LMF1: variants seen among roughly 807,000 people sequenced by gnomAD.
LMF1 encodes the protein lipase maturation factor 1.
In LMF1, 68 loss-of-function variants were observed where a neutral mutation model predicts 60.6. The observed-to-expected ratio is 1.12, with a 90% CI of 0.92 to 1.37. LMF1 has a LOEUF of 1.37. Ranked by LOEUF, LMF1 falls within the 40% of genes most tolerant of loss-of-function variation. LMF1 has a pLI of 0.00. For missense variants in LMF1, 948 were observed against 767.2 expected, an observed-to-expected ratio of 1.24 and a Z score of -2.78; for synonymous variants, 418 against 324.7, an observed-to-expected ratio of 1.29 and a Z score of -3.09.
At chr16:887,884 T>A (rs1456555763) in intron 5 of LMF1, among the ~76,000 whole-genome samples, 1 of 152,128 alleles carries the variant, frequency 6.6e-6, no homozygotes, top group Non-Finnish European at 1.5e-5. Context: ...CACCCCCAAG[T>A]TGCAGGCTGC....
Position 854,067 on chromosome 16 carries a change from C to T in LMF1, c.*465G>A. On this transcript the variant is annotated 3_prime_UTR_variant, in exon 11 of 11. Transcript: ENST00000262301. ...GAGGGTTTGGCTGCCCCAGACGTGA[C>T]AGGGACTTGGCTCTGAGGGTCAGGA... is the stretch of plus-strand genomic sequence containing the variant. The T allele has an allele frequency of 2.2e-6, 1 of 455,842 alleles. No homozygotes were observed. Among genetic ancestry groups the T allele is most frequent in the South Asian group, 1.6e-5 (1 of 64,488 alleles). The allele number at this position is 455,842 out of a possible 1,614,324, so 28.2% of individuals were successfully genotyped here.
Position 874,787 on chromosome 16 carries a change from C to T in LMF1, c.898-3446G>A, listed in dbSNP as rs576897287. Among the ~76,000 whole-genome samples the T allele has an allele frequency of 6.6e-6, 1 of 152,130 alleles. No individual in the cohort carries two copies. Among genetic ancestry groups the T allele is most frequent in the East Asian group, 1.9e-4 (1 of 5,180 alleles). ...GGACAGGCTCCAGGCAGGCGGCGCT[C>T]AGAAGTCTCAGGGCACTCGGCTGTC... is the stretch of plus-strand genomic sequence containing the variant. On this transcript the variant is annotated intron_variant, in intron 6 of 10. Coordinates refer to ENST00000262301, the MANE Select transcript of LMF1 (RefSeq NM_022773.4). The surrounding 1 kb of genome is among the most constrained non-coding windows in gnomAD (Gnocchi z 4.1).
rs754772870 is a variant in LMF1 at position 893,053 on chromosome 16, C to T, written c.683G>A (p.Gly228Glu). 6.0e-4 allele frequency: 934 copies of T among 1,553,816 alleles called. 2 individuals are homozygous for T. Among genetic ancestry groups the T allele is most frequent in the Non-Finnish European group, 7.8e-4 (893 of 1,149,030 alleles). The change falls in exon 5 of 11, where the codon GGG becomes GAG. Residue 228 changes from glycine (G) to glutamate (E), a missense_variant. Transcript: ENST00000262301. Reference sequence around the variant, plus strand: ...GGTGAGGTCTCGCCAGCACCGGTCCCCCCGGATCTTGATCAGGCCCTGCAA... The same window carrying T: ...GGTGAGGTCTCGCCAGCACCGGTCCTCCCGGATCTTGATCAGGCCCTGCAA... The part of the protein sequence containing the change: ...MLGAGLIKIR[G>E]DRCWRDLTCM...
At chr16:950,027 A>T (rs1412144347) in intron 2 of LMF1, among the ~76,000 whole-genome samples, 34 of 86,740 alleles carry the variant, frequency 3.9e-4, no homozygotes, top group African/African-American at 2.1e-3. Context: ...CGACAGAGTC[A>T]GCCAACGACA....
intron 2 of LMF1, chr16:947,496 C>A (rs12445470): frequency 0.45 from 203,502 of 455,374 alleles, 48,938 homozygotes; most frequent in African/African-American, 0.7. Flanking sequence ...CCAGCGTCCC[C>A]TCCAGCCCTG....
At chr16:960,068 C>A (rs558358093) in intron 1 of LMF1, among the ~76,000 whole-genome samples, 1 of 152,312 alleles carries the variant, frequency 6.6e-6, no homozygotes, top group African/African-American at 2.4e-5. Context: ...AGCTGTGACA[C>A]CCCGGGAGCA....
chr16:975,775 G>T (rs1337155992), upstream of LMF1: 2 of 452,744 alleles, frequency 4.4e-6, no homozygotes, highest in Admixed American at 4.7e-5. Context: ...TTTTCACAGG[G>T]TGTGTTTTCA....
chr16:899,055 C>T (rs576712632), intron 4 of LMF1: 5 of 152,352 alleles, frequency 3.3e-5, no homozygotes, highest in African/African-American at 4.8e-5. Context: ...CCCAGGAGAT[C>T]CTTTGAAGAT....
At chr16:871,103 C>T in intron 7 of LMF1, 58 bp downstream of exon 7, 1 of 1,484,740 alleles carries the variant, frequency 6.7e-7, no homozygotes, top group Non-Finnish European at 9.0e-7. Context: ...GGCTGTGGGG[C>T]TGGCACCACC....
chr16:908,439 G>A (rs1267365408), intron 4 of LMF1, among the ~76,000 whole-genome samples: 2 of 152,156 alleles, frequency 1.3e-5, no homozygotes, highest in Admixed American at 1.3e-4. Flanking sequence ...CGTCCAGAAA[G>A]CTCTCCAAAG....
At chr16:964,467 T>G (rs1169019662) in intron 1 of LMF1, among the ~76,000 whole-genome samples, 1 of 152,228 alleles carries the variant, frequency 6.6e-6, no homozygotes, top group African/African-American at 2.4e-5. Context: ...TCAAGTATTT[T>G]TTCTTTAAGG....
rs569427527 is a variant in LMF1 at position 870,959 on chromosome 16, G to C, written c.1079-77C>G. The C allele has an allele frequency of 3.3e-6, 5 of 1,503,518 alleles. No homozygotes were observed. The Admixed American group carries it at 8.1e-5, about 24-fold the overall frequency. 93.1% of individuals were successfully genotyped at this position (1,503,518 alleles called of 1,614,324 possible). A position where few individuals can be genotyped will look rare whatever the true frequency, so the allele number is the denominator to read the frequency against. ...TGTCCCTGGGGAGACCCCAGCTGCT[G>C]CTCCCTAAGGGTCAGCTGTCCTGGG... is the stretch of plus-strand genomic sequence containing the variant. On this transcript the variant is annotated intron_variant, in intron 7 of 10. Coordinates refer to ENST00000262301, the MANE Select transcript of LMF1 (RefSeq NM_022773.4).
intron 1 of LMF1, among the ~76,000 whole-genome samples, chr16:963,838 G>C (rs1293981099): frequency 7.4e-6 from 1 of 135,584 alleles, no homozygotes; most frequent in Non-Finnish European, 1.7e-5. Context: ...ACTGAATTGA[G>C]ATTTCAGAGA....
At chr16:912,506 C>A (rs968898297) in intron 3 of LMF1, among the ~76,000 whole-genome samples, 2 of 152,250 alleles carry the variant, frequency 1.3e-5, no homozygotes, top group Admixed American at 6.5e-5. Flanking sequence ...CACTGATGTG[C>A]GCCAATTACT....
Position 948,943 on chromosome 16 carries a change from AAGG to A in LMF1, c.503+5411_503+5413del, listed in dbSNP as rs2072344421. ...GTCAGCCAACGACAGAGTCAGAGCCAAGGACAGAGTCAGAGCCAACGACAGAGT... is the reference window on the plus strand; with the variant it reads ...GTCAGCCAACGACAGAGTCAGAGCCAACAGAGTCAGAGCCAACGACAGAGT... On this transcript the variant is annotated intron_variant, in intron 2 of 10. Coordinates refer to ENST00000262301, the MANE Select transcript of LMF1 (RefSeq NM_022773.4). Among the ~76,000 whole-genome samples the A allele has an allele frequency of 3.0e-5, 3 of 98,436 alleles. 1 individual carries two copies. The highest frequency in any genetic ancestry group is 6.1e-5 in the African/African-American group (1 of 16,444). The allele number at this position is 98,436 out of a possible 152,430, so 64.6% of individuals were successfully genotyped here.
intron 1 of LMF1, among the ~76,000 whole-genome samples, chr16:963,411 C>CACATGTGCACATGTAT (rs954324828): frequency 1.3e-5 from 2 of 152,070 alleles, no homozygotes; most frequent in African/African-American, 2.4e-5. Flanking sequence ...TGTGTCTGTA[C>CACATGTGCACATGTAT]ACATGTGCAC....
chr16:970,103 C>G (rs1426159371), intron 1 of LMF1, among the ~76,000 whole-genome samples: 1 of 152,260 alleles, frequency 6.6e-6, no homozygotes, highest in Admixed American at 6.5e-5. Context: ...GGTTCCGGAG[C>G]TGCCCCCAGA....
intron 1 of LMF1, among the ~76,000 whole-genome samples, chr16:955,822 C>T (rs188802949): frequency 1.3e-5 from 2 of 152,246 alleles, no homozygotes; most frequent in African/African-American, 4.8e-5. Flanking sequence ...AGGACCCTGG[C>T]TCTGGTCAAC....
At chr16:925,371 G>A (rs2071564452) in intron 3 of LMF1, among the ~76,000 whole-genome samples, 1 of 152,156 alleles carries the variant, frequency 6.6e-6, no homozygotes, top group African/African-American at 2.4e-5. Context: ...CAACGTGATG[G>A]GAGAAATTCA....
Sources: allele counts gnomAD v4.1 joint callset (sites outside exome capture counted in the v4.1 genomes callset), GRCh38; gene constraint gnomAD v4.1.1; non-coding constraint Gnocchi (gnomAD v3.1); transcripts MANE v1.5; gene names NCBI Gene and HGNC (gene_info 2026-07-23, HGNC 2026-07-21).